Variants in TMEFF2 observed in about 807,000 individuals in gnomAD.
The protein encoded by TMEFF2 is tomoregulin-2.
TMEFF2 carries 28 observed loss-of-function variants against 53.8 expected under a neutral mutation model. That is an observed-to-expected ratio of 0.52 (90% confidence interval 0.39 to 0.71). The LOEUF (loss-of-function observed/expected upper bound fraction) is 0.71, where lower values mean the gene tolerates loss of function less well. Among genes scored for constraint, TMEFF2 ranks in the 30% least tolerant of loss-of-function variants. TMEFF2 has a pLI of 0.00. For missense variants in TMEFF2, 353 were observed against 455.2 expected, an observed-to-expected ratio of 0.78 and a Z score of 2.04; for synonymous variants, 162 against 166.3, an observed-to-expected ratio of 0.97 and a Z score of 0.20.
At chr2:192,105,377 T>G (rs1689122543) in intron 4 of TMEFF2, among the ~76,000 whole-genome samples, 1 of 151,584 alleles carries the variant, frequency 6.6e-6, no homozygotes, top group Non-Finnish European at 1.5e-5. Flanking sequence ...ATTTTTGAAA[T>G]ATTATAGGTA....
At position 192,083,269 on chromosome 2, in the gene TMEFF2, C is replaced by A. The variant is rs190858395; in HGVS notation, c.440-25494G>T. On this transcript the variant is annotated intron_variant, in intron 4 of 9. Transcript: ENST00000272771. ...ACCCAGTTGTTAAAAATCACTGCCCCCTTCCTAGTCTGTCCCCAGTTCTCT... is the reference window on the plus strand; with the variant it reads ...ACCCAGTTGTTAAAAATCACTGCCCACTTCCTAGTCTGTCCCCAGTTCTCT... Among the ~76,000 whole-genome samples, 664 of 152,188 alleles carry A rather than the reference C, an allele frequency of 4.4e-3. 6 individuals are homozygous for A. The highest frequency in any genetic ancestry group is 0.015 in the African/African-American group (612 of 41,516).
chr2:192,192,042 C>T (rs1170874872), intron 1 of TMEFF2, 53 bp from the exon 2 acceptor site: 3 of 1,241,650 alleles, frequency 2.4e-6, no homozygotes, highest in East Asian at 4.8e-5. Flanking sequence ...AGATTTTTAA[C>T]AAAAAAAAGC....
intron 4 of TMEFF2, among the ~76,000 whole-genome samples, chr2:192,132,806 T>C (rs985653467): frequency 4.6e-5 from 7 of 152,078 alleles, no homozygotes; most frequent in South Asian, 2.1e-4. Context: ...AGTGTTCAAC[T>C]CACCTGGCAG....
At chr2:192,007,758 G>A (rs1207701823) in intron 5 of TMEFF2, among the ~76,000 whole-genome samples, 3 of 152,194 alleles carry the variant, frequency 2.0e-5, no homozygotes, top group Non-Finnish European at 2.9e-5. Flanking sequence ...TAGAGTGCAG[G>A]CAGAGGGACT....
At chr2:192,013,078 TTAAAA>T (rs1443166344) in intron 5 of TMEFF2, among the ~76,000 whole-genome samples, 22 of 152,316 alleles carry the variant, frequency 1.4e-4, no homozygotes, top group African/African-American at 4.8e-4. Flanking sequence ...GGCAATGCCT[TTAAAA>T]TGTAAATGAG....
chr2:192,030,349 C>G (rs1320489427), intron 5 of TMEFF2: 4 of 152,140 alleles, frequency 2.6e-5, no homozygotes, highest in Non-Finnish European at 4.4e-5. Context: ...TGTGACACAA[C>G]CATGGTGATG....
intron 5 of TMEFF2, among the ~76,000 whole-genome samples, chr2:192,008,823 G>A (rs1309057698): frequency 6.6e-6 from 1 of 152,180 alleles, no homozygotes; most frequent in African/African-American, 2.4e-5. Flanking sequence ...CTTCATGTTT[G>A]TGTTTTACCA....
At chr2:192,175,891 A>C (rs939100707) in intron 4 of TMEFF2, among the ~76,000 whole-genome samples, 5 of 151,438 alleles carry the variant, frequency 3.3e-5, no homozygotes, top group African/African-American at 1.2e-4. Flanking sequence ...GCAATACATA[A>C]ATATTTAAAA....
At chr2:192,060,761 G>A (rs1189196512) in intron 4 of TMEFF2, among the ~76,000 whole-genome samples, 1 of 152,064 alleles carries the variant, frequency 6.6e-6, no homozygotes, top group East Asian at 1.9e-4. Context: ...ACACTGATTA[G>A]GAATAAAATT....
chr2:192,012,044 G>A lies in TMEFF2; in HGVS notation c.537-12836C>T, dbSNP rs529732974. ...TGGGACTATAGGCGCCCACGACCTCGCCCGGCCCACCACCAGGCCCGGCTA... is the reference window on the plus strand; with the variant it reads ...TGGGACTATAGGCGCCCACGACCTCACCCGGCCCACCACCAGGCCCGGCTA... On this transcript the variant is annotated intron_variant, in intron 5 of 9. Coordinates refer to ENST00000272771, the MANE Select transcript of TMEFF2 (RefSeq NM_016192.4). Among the ~76,000 whole-genome samples the A allele has an allele frequency of 1.8e-4, 27 of 151,846 alleles. No individual in the cohort carries two copies. In the South Asian group the frequency reaches 3.9e-3, roughly 22 times the overall value.
rs200554846 is a variant in TMEFF2 at position 191,971,763 on chromosome 2, T to TTC, written c.746-15387_746-15386dup. ...TACAGTGGTGAGTTAAATAGACAGTTTCTCTCTGGAAGAGCATGCATATTA... is the reference window on the plus strand; with the variant it reads ...TACAGTGGTGAGTTAAATAGACAGTTTCTCTCTCTGGAAGAGCATGCATATTA... On this transcript the variant is annotated intron_variant, in intron 7 of 9. Transcript: ENST00000272771. Among the ~76,000 whole-genome samples, 790 of 152,286 alleles carry TTC rather than the reference T, an allele frequency of 5.2e-3. 5 individuals carry two copies. Among genetic ancestry groups the TTC allele is most frequent in the African/African-American group, 0.018 (768 of 41,560 alleles).
intron 4 of TMEFF2, among the ~76,000 whole-genome samples, chr2:192,110,746 A>G (rs77845020): frequency 0.035 from 5,300 of 152,216 alleles, 119 homozygotes; most frequent in South Asian, 0.063. Flanking sequence ...TTGCATTTAC[A>G]TAGTTGATAT....
At chr2:192,023,081 T>C (rs1686893086) in intron 5 of TMEFF2, among the ~76,000 whole-genome samples, 1 of 152,200 alleles carries the variant, frequency 6.6e-6, no homozygotes, top group Admixed American at 6.5e-5. Flanking sequence ...ATGCAAGTTG[T>C]ACGGATTGTG....
chr2:192,176,659 G>A (rs986044127), intron 4 of TMEFF2: 1 of 151,106 alleles, frequency 6.6e-6, no homozygotes, highest in Non-Finnish European at 1.5e-5. Context: ...ACAATAACAA[G>A]TTAAAATAAA....
At chr2:192,134,430 C>G (rs920332761) in intron 4 of TMEFF2, among the ~76,000 whole-genome samples, 1 of 152,202 alleles carries the variant, frequency 6.6e-6, no homozygotes, top group Non-Finnish European at 1.5e-5. Flanking sequence ...TCGCCACACA[C>G]CAGCAAAGGC....
At chr2:192,187,150 GGAGTC>G (rs971503796) in intron 2 of TMEFF2, among the ~76,000 whole-genome samples, 2 of 152,040 alleles carry the variant, frequency 1.3e-5, no homozygotes, top group African/African-American at 4.8e-5. Context: ...CTCACGAGTG[GGAGTC>G]TAGTCCTAAG....
At chr2:192,177,312 A>G (rs1257302989) in intron 4 of TMEFF2, 2 of 151,142 alleles carry the variant, frequency 1.3e-5, no homozygotes, top group African/African-American at 2.4e-5. Context: ...TTACAACCCA[A>G]TGGATATGTG....
chr2:192,166,228 C>T (rs184481226), intron 4 of TMEFF2, among the ~76,000 whole-genome samples: 1 of 152,246 alleles, frequency 6.6e-6, no homozygotes, highest in Non-Finnish European at 1.5e-5. Flanking sequence ...CTTCTTACTC[C>T]TTGTCTTGTT....
At chr2:192,157,563 C>T (rs1236969680) in intron 4 of TMEFF2, among the ~76,000 whole-genome samples, 1 of 151,966 alleles carries the variant, frequency 6.6e-6, no homozygotes, top group Non-Finnish European at 1.5e-5. Flanking sequence ...TCCAATATAT[C>T]ATATGTCAAG....
Sources: allele counts gnomAD v4.1 joint callset (sites outside exome capture counted in the v4.1 genomes callset), GRCh38; gene constraint gnomAD v4.1.1; transcripts MANE v1.5; gene names NCBI Gene and HGNC (gene_info 2026-07-23, HGNC 2026-07-21).